Variants in DACH2 observed in about 807,000 individuals in gnomAD.
DACH2 encodes the protein dachshund homolog 2.
A neutral mutation model predicts 35.8 loss-of-function variants in DACH2; 17 were observed. The ratio of observed to expected loss-of-function variants is 0.48; its 90% CI spans 0.33 to 0.71. DACH2 has a LOEUF of 0.71. Among genes scored for constraint, DACH2 ranks in the 30% least tolerant of loss-of-function variants. DACH2 has a pLI of 0.02. For synonymous variants in DACH2, 195 were observed against 177.3 expected, an observed-to-expected ratio of 1.10 and a Z score of -0.79; for missense variants, 469 against 472.7, an observed-to-expected ratio of 0.99 and a Z score of 0.07.
intron 2 of DACH2, chrX:86,512,967 G>A (rs1480806068): frequency 6.2e-6 from 2 of 323,748 alleles, no homozygotes; most frequent in African/African-American, 5.4e-5. Context: ...CATCAAATGA[G>A]AAAAACAGAA....
intron 2 of DACH2, among the ~76,000 whole-genome samples, chrX:86,389,432 A>G (rs1358100897): frequency 8.9e-6 from 1 of 112,591 alleles, no homozygotes; most frequent in African/African-American, 3.2e-5. Context: ...AATTAGTGAC[A>G]TTAAGTTGAA....
In DACH2 at chrX:86,415,939, G is replaced by A. The variant is rs138045803; in HGVS notation, c.527+39077G>A. ...GGTTTCTGAGAGGAAGGAAGAAAAGGTACTCATTGGTTTTATTATCTTTTT... is the reference window on the plus strand; with the variant it reads ...GGTTTCTGAGAGGAAGGAAGAAAAGATACTCATTGGTTTTATTATCTTTTT... On this transcript the variant is annotated intron_variant, in intron 2 of 11. Coordinates refer to ENST00000373125, the MANE Select transcript of DACH2 (RefSeq NM_053281.3). 3.4e-3 allele frequency among the ~76,000 whole-genome samples: 376 copies of A among 111,791 alleles called. 4 individuals are homozygous for A. Among genetic ancestry groups the A allele is most frequent in the Middle Eastern group, 4.8e-3 (1 of 208 alleles).
intron 2 of DACH2, among the ~76,000 whole-genome samples, chrX:86,499,900 T>C (rs1455600236): frequency 9.0e-6 from 1 of 111,142 alleles, no homozygotes; most frequent in Non-Finnish European, 1.9e-5. Flanking sequence ...GATGGAGCCA[T>C]GATAGGATTT....
At chrX:86,414,868 C>G (rs763684517) in intron 2 of DACH2, among the ~76,000 whole-genome samples, 3 of 111,790 alleles carry the variant, frequency 2.7e-5, no homozygotes, top group African/African-American at 9.8e-5. Flanking sequence ...TTCTGCTCCT[C>G]TTGAACCACT....
intron 1 of DACH2, chrX:86,184,129 C>T (rs1476867645): frequency 1.4e-5 from 2 of 140,518 alleles, no homozygotes; most frequent in Non-Finnish European, 2.8e-5. Context: ...AAAACCAGCT[C>T]CTGGATTCAT....
intron 3 of DACH2, among the ~76,000 whole-genome samples, chrX:86,593,396 T>TA (rs1180039156): frequency 2.6e-4 from 25 of 95,796 alleles, no homozygotes; most frequent in African/African-American, 5.8e-4. Flanking sequence ...CATATATATA[T>TA]TTTTTTATTT....
chrX:86,356,195 A>C (rs1027720565), intron 1 of DACH2, among the ~76,000 whole-genome samples: 1 of 111,382 alleles, frequency 9.0e-6, no homozygotes, highest in African/African-American at 3.3e-5. Context: ...ATCCATCTTG[A>C]GTTGATTTTT....
chrX:86,782,682 T>C (rs1326678417), intron 7 of DACH2, among the ~76,000 whole-genome samples: 4 of 111,716 alleles, frequency 3.6e-5, no homozygotes, highest in South Asian at 3.7e-4. Flanking sequence ...ATAAATGGTG[T>C]TGGGAAAACT....
At chrX:86,820,757 A>G (rs1357013286) in intron 11 of DACH2, among the ~76,000 whole-genome samples, 2 of 110,782 alleles carry the variant, frequency 1.8e-5, no homozygotes, top group African/African-American at 6.5e-5. Flanking sequence ...GAATATGTCT[A>G]TTTTTATCAA....
At chrX:86,769,484 G>A (rs1221022895) in intron 7 of DACH2, among the ~76,000 whole-genome samples, 1 of 111,804 alleles carries the variant, frequency 8.9e-6, no homozygotes, top group Non-Finnish European at 1.9e-5. Context: ...AATAACCAAA[G>A]CAATTTTAAA....
chrX:86,173,871 A>C (rs1242317488), intron 1 of DACH2, among the ~76,000 whole-genome samples: 1 of 111,897 alleles, frequency 8.9e-6, no homozygotes, highest in Admixed American at 9.5e-5. Flanking sequence ...AATGAGAGAG[A>C]TGGCAATGGC....
At chrX:86,208,192 AAAT>A (rs1175785450) in intron 1 of DACH2, among the ~76,000 whole-genome samples, 1 of 107,638 alleles carries the variant, frequency 9.3e-6, no homozygotes, top group Non-Finnish European at 1.9e-5. Context: ...TCCTGATCAC[AAAT>A]AATAATAATT....
At chrX:86,598,553 T>C (rs924764397) in intron 3 of DACH2, among the ~76,000 whole-genome samples, 1 of 111,455 alleles carries the variant, frequency 9.0e-6, no homozygotes, top group Admixed American at 9.5e-5. Flanking sequence ...GGGTAGTCTT[T>C]GCGGTTTTTT....
chrX:86,189,572 G>C (rs139791419), intron 1 of DACH2, among the ~76,000 whole-genome samples: 2,460 of 111,485 alleles, frequency 0.022, 85 homozygotes, highest in African/African-American at 0.077. Flanking sequence ...GTTAGTTTAA[G>C]TTGAAGGCCC....
intron 1 of DACH2, among the ~76,000 whole-genome samples, chrX:86,329,439 T>C (rs1267237225): frequency 9.0e-6 from 1 of 111,405 alleles, no homozygotes; most frequent in Non-Finnish European, 1.9e-5. Context: ...TCCCTTTTCA[T>C]TGAGAGAGTT....
At chrX:86,267,042 ATTATCT>A (rs1309812720) in intron 1 of DACH2, among the ~76,000 whole-genome samples, 1 of 111,958 alleles carries the variant, frequency 8.9e-6, no homozygotes, top group African/African-American at 3.2e-5. Context: ...AAATTATTTG[ATTATCT>A]TTAAATTGAC....
intron 3 of DACH2, among the ~76,000 whole-genome samples, chrX:86,540,874 T>C: frequency 8.9e-6 from 1 of 111,896 alleles, no homozygotes; most frequent in Admixed American, 9.5e-5. Flanking sequence ...ATAGCCCATA[T>C]GTTTATGAAT....
At chrX:86,217,523 A>G (rs1161983203) in intron 1 of DACH2, among the ~76,000 whole-genome samples, 1 of 111,915 alleles carries the variant, frequency 8.9e-6, no homozygotes, top group Non-Finnish European at 1.9e-5. Flanking sequence ...GACAGTGATA[A>G]GTAGAAAATG....
chrX:86,637,683 C>A (rs6524679), intron 3 of DACH2, among the ~76,000 whole-genome samples: 40,051 of 109,787 alleles, frequency 0.36, 6,100 homozygotes, highest in East Asian at 0.82. Context: ...ATGAGAACAC[C>A]TGGACACATA....
Sources: gnomAD v4.1 joint callset for allele counts (sites outside exome capture counted in the v4.1 genomes callset) on GRCh38, gnomAD v4.1.1 for gene constraint, MANE v1.5 for transcripts, NCBI Gene and HGNC (gene_info 2026-07-23, HGNC 2026-07-21) for gene names.